Variants in SEMA5A observed in about 807,000 individuals in gnomAD.
The protein encoded by SEMA5A is semaphorin-5A.
Under a neutral mutation model 135.5 loss-of-function variants are expected in SEMA5A, and 55 were observed. The observed-to-expected ratio is 0.41, with a 90% confidence interval of 0.33 to 0.51. The LOEUF is 0.51. SEMA5A is among the 20% of genes least tolerant of loss of function. SEMA5A has a pLI of 0.37. For missense variants in SEMA5A, 1,290 were observed against 1,419.9 expected, an observed-to-expected ratio of 0.91 and a Z score of 1.47; for synonymous variants, 580 against 546.5, an observed-to-expected ratio of 1.06 and a Z score of -0.85.
At chr5:9,173,862 A>G (rs888878657) in intron 11 of SEMA5A, among the ~76,000 whole-genome samples, 1 of 152,152 alleles carries the variant, frequency 6.6e-6, no homozygotes, top group Non-Finnish European at 1.5e-5. Flanking sequence ...CTAGGGACAT[A>G]GCTCAAAACA....
chr5:9,063,190 G>T, intron 17 of SEMA5A, 85 bp from the exon 18 acceptor site: 2 of 1,315,014 alleles, frequency 1.5e-6, no homozygotes, highest in Non-Finnish European at 2.1e-6. Flanking sequence ...TGTATCTGCT[G>T]TCTGCCTTAT....
chr5:9,384,249 CTT>C (rs1046536634), intron 2 of SEMA5A, among the ~76,000 whole-genome samples: 30 of 152,044 alleles, frequency 2.0e-4, no homozygotes, highest in Admixed American at 1.5e-3. Context: ...CAGGTCCCTC[CTT>C]CCCGGACTCA....
At chr5:9,242,751 C>T (rs1324336008) in intron 5 of SEMA5A, among the ~76,000 whole-genome samples, 2 of 152,054 alleles carry the variant, frequency 1.3e-5, no homozygotes, top group Non-Finnish European at 2.9e-5. Flanking sequence ...TTCTCTACCC[C>T]AATAACATAT....
chr5:9,354,962 G>A (rs1056534752), intron 3 of SEMA5A, among the ~76,000 whole-genome samples: 5 of 152,196 alleles, frequency 3.3e-5, no homozygotes, highest in Admixed American at 2.6e-4. Flanking sequence ...ACGAGAGACA[G>A]GAGAGGAGAG....
At chr5:9,358,102 T>C (rs10213797) in intron 3 of SEMA5A, among the ~76,000 whole-genome samples, 6,422 of 152,160 alleles carry the variant, frequency 0.042, 435 homozygotes, top group African/African-American at 0.15. Context: ...ACACACTTTC[T>C]TCTGTCCCCA....
Position 9,042,503 on chromosome 5 carries a change from TTTC to T in SEMA5A, c.*391_*393del. 11 of 230,994 alleles carry T rather than the reference TTTC, an allele frequency of 4.8e-5. No individual in the cohort carries two copies. Among genetic ancestry groups the T allele is most frequent in the South Asian group, 1.8e-4 (3 of 16,256 alleles). The allele number at this position is 230,994 out of a possible 1,614,324, so 14.3% of individuals were successfully genotyped here. A position where few individuals can be genotyped will look rare whatever the true frequency, so the allele number is the denominator to read the frequency against. On this transcript the variant is annotated 3_prime_UTR_variant, in exon 23 of 23. Coordinates refer to ENST00000382496, the MANE Select transcript of SEMA5A (RefSeq NM_003966.3). ...GCACTTCTTGTGGAAGGAGCAGGTC[TTTC>T]AGAGAAAGTGCCTATTTTCTTGAAT...
In SEMA5A at chr5:9,254,925, A is replaced by C. The variant is rs116489448; in HGVS notation, c.271-17035T>G. On this transcript the variant is annotated intron_variant, in intron 5 of 22. Coordinates refer to ENST00000382496, the MANE Select transcript of SEMA5A (RefSeq NM_003966.3). ...ACGAGGCTGAATTCAATAAGCTTGA[A>C]TAAGGCTGAATGCACTGTAAGCTGT... Among the ~76,000 whole-genome samples, 285 of 152,340 alleles carry C rather than the reference A, an allele frequency of 1.9e-3. 1 individual carries two copies. Among genetic ancestry groups the C allele is most frequent in the Admixed American group, 3.7e-3 (57 of 15,294 alleles).
chr5:9,521,111 T>C (rs536509153), intron 1 of SEMA5A, among the ~76,000 whole-genome samples: 1 of 152,354 alleles, frequency 6.6e-6, no homozygotes, highest in South Asian at 2.1e-4. Context: ...TCTAAGACTA[T>C]TCTAGAACAT....
intron 4 of SEMA5A, 71 bp downstream of exon 4, chr5:9,337,642 T>A: frequency 1.1e-6 from 1 of 946,222 alleles, no homozygotes; most frequent in Non-Finnish European, 1.7e-6. Flanking sequence ...TCAGTGAAGG[T>A]CACATGTAAC....
chr5:9,154,426 GCT>G, intron 12 of SEMA5A, 60 bp downstream of exon 12: 1 of 1,527,700 alleles, frequency 6.5e-7, no homozygotes, highest in Non-Finnish European at 9.0e-7. Context: ...AGCCTCCCTG[GCT>G]CTCTCTGGGT....
chr5:9,395,835 C>G (rs892801784), intron 2 of SEMA5A, among the ~76,000 whole-genome samples: 1 of 152,180 alleles, frequency 6.6e-6, no homozygotes, highest in Admixed American at 6.5e-5. Context: ...CTTAATCTTA[C>G]TGTTCAAGAA....
At chr5:9,385,504 T>C (rs539230263) in intron 2 of SEMA5A, among the ~76,000 whole-genome samples, 2 of 152,276 alleles carry the variant, frequency 1.3e-5, no homozygotes, top group African/African-American at 2.4e-5. Flanking sequence ...TCTGTTGGTA[T>C]AGTCCAGAGA....
chr5:9,216,232 C>T (rs1387305196), intron 8 of SEMA5A, among the ~76,000 whole-genome samples: 2 of 152,142 alleles, frequency 1.3e-5, no homozygotes, highest in Admixed American at 6.5e-5. Flanking sequence ...GCCTTAATTT[C>T]ATTGTTTACA....
intron 15 of SEMA5A, among the ~76,000 whole-genome samples, chr5:9,109,578 CCCT>C (rs1304581617): frequency 2.6e-5 from 4 of 152,218 alleles, no homozygotes; most frequent in South Asian, 2.1e-4. Flanking sequence ...TTTTCTCATG[CCCT>C]CCTCTCTTGC....
At chr5:9,428,497 G>C (rs751422424) in intron 2 of SEMA5A, among the ~76,000 whole-genome samples, 6 of 152,074 alleles carry the variant, frequency 3.9e-5, no homozygotes, top group African/African-American at 7.2e-5. Flanking sequence ...CATTGGTTTC[G>C]GTCTTGGTGC....
At chr5:9,452,279 C>T (rs1579564105) in intron 1 of SEMA5A, among the ~76,000 whole-genome samples, 1 of 152,166 alleles carries the variant, frequency 6.6e-6, no homozygotes, top group Non-Finnish European at 1.5e-5. Context: ...GAGGGAGCCC[C>T]CTTCTCCTCA....
At chr5:9,484,478 G>C (rs1579617007) in intron 1 of SEMA5A, among the ~76,000 whole-genome samples, 1 of 152,262 alleles carries the variant, frequency 6.6e-6, no homozygotes, top group African/African-American at 2.4e-5. Context: ...ACACTAAATG[G>C]AAACACTAGA....
chr5:9,471,174 C>T (rs1759463597), intron 1 of SEMA5A, among the ~76,000 whole-genome samples: 1 of 152,138 alleles, frequency 6.6e-6, no homozygotes, highest in Non-Finnish European at 1.5e-5. Context: ...ATTCCCTTCA[C>T]ATCCGTATAT....
chr5:9,288,141 T>A (rs1279155408), intron 5 of SEMA5A, among the ~76,000 whole-genome samples: 8 of 152,176 alleles, frequency 5.3e-5, no homozygotes, highest in Admixed American at 2.0e-4. Flanking sequence ...ACTTTATGAA[T>A]CAAGGGTTCT....
Sources: gnomAD v4.1 joint callset for allele counts (sites outside exome capture counted in the v4.1 genomes callset) on GRCh38, gnomAD v4.1.1 for gene constraint, MANE v1.5 for transcripts, NCBI Gene and HGNC (gene_info 2026-07-23, HGNC 2026-07-21) for gene names.